The following OR11G2 variants were observed in gnomAD, a reference collection of about 807,000 sequenced individuals.
OR11G2 encodes the protein olfactory receptor 11G2.
In OR11G2, 2 loss-of-function variants were observed where a neutral mutation model predicts 0.9. That is an observed-to-expected ratio of 2.35 (90% CI 0.96 to 7.38). OR11G2 has a LOEUF of 7.38. Among genes scored for constraint, OR11G2 ranks in the 30% most tolerant of loss-of-function variants. OR11G2 has a pLI of 0.05. For synonymous variants in OR11G2, 153 were observed against 142.0 expected (o/e 1.08, Z -0.55); for missense variants, 395 against 371.3 (o/e 1.06, Z -0.52).
At chr14:20,197,295 T>G in intron 1 of OR11G2, 139 bp from the exon 2 acceptor site, 5 of 1,096,712 alleles carry the variant, frequency 4.6e-6, no homozygotes, top group South Asian at 1.6e-5. Context: ...CATATCTGCA[T>G]TCTGTTTTTT....
Position 20,198,729 on chromosome 14 carries a change from A to AG in OR11G2, c.*358dup, listed in dbSNP as rs1250966849. Reference sequence around the variant, plus strand: ...GGGCGACAGAGCGAGACTCTGTCTCAGGAAAAAAAAAAAAAAAAAACTGGT... The same window carrying AG: ...GGGCGACAGAGCGAGACTCTGTCTCAGGGAAAAAAAAAAAAAAAAAACTGGT... On this transcript the variant is annotated 3_prime_UTR_variant, in exon 2 of 2. Transcript: ENST00000641879. The AG allele has an allele frequency of 1.6e-5, 1 of 61,120 alleles. No individual in the cohort carries two copies. Among genetic ancestry groups the AG allele is most frequent in the African/African-American group, 5.6e-5 (1 of 17,852 alleles). 3.8% of individuals were successfully genotyped at this position (61,120 alleles called of 1,614,324 possible). A position where few individuals can be genotyped will look rare whatever the true frequency, so the allele number is the denominator to read the frequency against.
At position 20,199,627 on chromosome 14, in the gene OR11G2, T is replaced by C. The variant is rs569669876; in HGVS notation, c.*1254T>C. 5 of 152,354 alleles carry C rather than the reference T, an allele frequency of 3.3e-5. No individual in the cohort carries two copies. In the South Asian group the frequency reaches 8.3e-4, roughly 25 times the overall value. 9.4% of individuals were successfully genotyped at this position (152,354 alleles called of 1,614,324 possible). The stretch of plus-strand genomic sequence containing the variant: ...GATTTTACTGTTGATAGAAATTATT[T>C]TGGGTTTAGTACAAGTTTTTCAGTC... On this transcript the variant is annotated 3_prime_UTR_variant, in exon 2 of 2. Transcript: ENST00000641879.
rs894154916 is a variant in OR11G2 at position 20,191,674 on chromosome 14, A to G, written c.-5+8A>G. The G allele has an allele frequency of 2.0e-5, 3 of 152,200 alleles. No homozygotes were observed. The highest frequency in any genetic ancestry group is 7.2e-5 in the African/African-American group (3 of 41,448). 9.4% of individuals were successfully genotyped at this position (152,200 alleles called of 1,614,324 possible). A position where few individuals can be genotyped will look rare whatever the true frequency, so the allele number is the denominator to read the frequency against. ...GGAGCTAGGTAATAAAAGGTGAGTA[A>G]CATTACACTCTTGTTAGAAATATCT... On this transcript the variant is annotated splice_region_variant and intron_variant, in intron 1 of 1. Transcript: ENST00000641879.
rs1879639273 is a variant in OR11G2, at chr14:20,190,980, A to G, written c.-691A>G. On this transcript the variant is annotated 5_prime_UTR_variant, in exon 1 of 2. Transcript: ENST00000641879. ...TCTGCTCCTTCATTCTTTGATGGCT[A>G]ACATAGAAAAGGCTACCTCTCCTCT... The G allele has an allele frequency of 6.6e-6, 1 of 152,264 alleles. No homozygotes were observed. Among genetic ancestry groups the G allele is most frequent in the Non-Finnish European group, 1.5e-5 (1 of 68,102 alleles). 9.4% of individuals were successfully genotyped at this position (152,264 alleles called of 1,614,324 possible).
At position 20,199,467 on chromosome 14, in the gene OR11G2, C is replaced by T. The variant is rs1330640818; in HGVS notation, c.*1094C>T. On this transcript the variant is annotated 3_prime_UTR_variant, in exon 2 of 2. Transcript: ENST00000641879. ...CCAACCCAGTAAATGGTCAAATATC[C>T]TCAGGGAAATACACATGGGGAATGT... 6.6e-6 allele frequency: 1 copy of T among 152,250 alleles called. No homozygotes were observed. The highest frequency in any genetic ancestry group is 1.5e-5 in the Non-Finnish European group (1 of 68,066). The allele number at this position is 152,250 out of a possible 1,614,324, so 9.4% of individuals were successfully genotyped here. A position where few individuals can be genotyped will look rare whatever the true frequency, so the allele number is the denominator to read the frequency against.
rs923123118 is a variant in OR11G2, at chr14:20,199,372, C to G, written c.*999C>G. The G allele has an allele frequency of 6.6e-6, 1 of 152,232 alleles. No individual in the cohort carries two copies. The highest frequency in any genetic ancestry group is 1.5e-5 in the Non-Finnish European group (1 of 68,060). 9.4% of individuals were successfully genotyped at this position (152,232 alleles called of 1,614,324 possible). ...CAGGTGCTTTGGCAACTTTCAAATT[C>G]TCTACCTTCTCAGTTCAGTAAAACT... On this transcript the variant is annotated 3_prime_UTR_variant, in exon 2 of 2. Transcript: ENST00000641879.
Position 20,200,242 on chromosome 14 carries a change from T to C in OR11G2, c.*1869T>C, listed in dbSNP as rs1476776334. On this transcript the variant is annotated 3_prime_UTR_variant, in exon 2 of 2. Coordinates refer to ENST00000641879, the MANE Select transcript of OR11G2 (RefSeq NM_001386033.1). Reference sequence around the variant, plus strand: ...GCTTTGAAAAGTAACCCTGAATTTCTCTTTAGGACTTCTCACTTATTTGCC... The same window carrying C: ...GCTTTGAAAAGTAACCCTGAATTTCCCTTTAGGACTTCTCACTTATTTGCC... 2 of 151,994 alleles carry C rather than the reference T, an allele frequency of 1.3e-5. No homozygotes were observed. The highest frequency in any genetic ancestry group is 2.4e-5 in the African/African-American group (1 of 41,396). 9.4% of individuals were successfully genotyped at this position (151,994 alleles called of 1,614,324 possible). A position where few individuals can be genotyped will look rare whatever the true frequency, so the allele number is the denominator to read the frequency against.
Position 20,200,280 on chromosome 14 carries a change from A to G in OR11G2, c.*1907A>G, listed in dbSNP as rs1166640204. 1.3e-5 allele frequency: 2 copies of G among 152,284 alleles called. No individual in the cohort carries two copies. The highest frequency in any genetic ancestry group is 2.1e-4 in the South Asian group (1 of 4,828). The allele number at this position is 152,284 out of a possible 1,614,324, so 9.4% of individuals were successfully genotyped here. A position where few individuals can be genotyped will look rare whatever the true frequency, so the allele number is the denominator to read the frequency against. ...TCACTTATTTGCCAGTCATATCACA[A>G]TAAGTTTGTTTCCTTAATATAAACG... On this transcript the variant is annotated 3_prime_UTR_variant, in exon 2 of 2. Transcript: ENST00000641879.
rs769593612 is a variant in OR11G2, at chr14:20,198,113, G to A, written c.676G>A (p.Val226Met). The A allele has an allele frequency of 5.0e-6, 8 of 1,614,088 alleles. No homozygotes were observed. Among genetic ancestry groups the A allele is most frequent in the Non-Finnish European group, 6.8e-6 (8 of 1,180,018 alleles). ...LFIVGSYALV[V>M]RAVLRVPSAA... Reference sequence around the variant, plus strand: ...CATTGTGGGGTCCTATGCTCTGGTCGTGAGAGCTGTGTTGAGGGTCCCTTC... The same window carrying A: ...CATTGTGGGGTCCTATGCTCTGGTCATGAGAGCTGTGTTGAGGGTCCCTTC... Residue 226 changes from valine to methionine, a missense_variant, in exon 2 of 2, where the codon GTG becomes ATG. Physicochemically the swap from Val to Met is conservative, Grantham distance 21. Coordinates refer to ENST00000641879, the MANE Select transcript of OR11G2 (RefSeq NM_001386033.1).
Position 20,197,468 on chromosome 14 carries a change from A to G in OR11G2, c.31A>G (p.Ser11Gly), listed in dbSNP as rs45620333. ...AATCTTCAACAGCCCCAGCAACTCCAGCACCTTCACTGGCTTCATCCTCCT... is the reference window on the plus strand; with the variant it reads ...AATCTTCAACAGCCCCAGCAACTCCGGCACCTTCACTGGCTTCATCCTCCT... MKIFNSPSNSSTFTGFILLGF... is the reference protein window; with the variant it reads MKIFNSPSNSGTFTGFILLGF... Residue 11 changes from serine to glycine, a missense_variant, in exon 2 of 2, where the codon AGC (serine) becomes GGC (glycine). Coordinates refer to ENST00000641879, the MANE Select transcript of OR11G2 (RefSeq NM_001386033.1). 77,516 of 1,613,072 alleles carry G rather than the reference A, an allele frequency of 0.048. 2,119 individuals are homozygous for G. The highest frequency in any genetic ancestry group is 0.059 in the Middle Eastern group (349 of 5,916).
At position 20,191,218 on chromosome 14, in the gene OR11G2, A is replaced by G. The variant is rs1044435738; in HGVS notation, c.-453A>G. On this transcript the variant is annotated 5_prime_UTR_variant, in exon 1 of 2. Coordinates refer to ENST00000641879, the MANE Select transcript of OR11G2 (RefSeq NM_001386033.1). ...GGAAAAGCTGTTCTTATTTTCAAGG[A>G]CTTTGCAGAAAGTAAATAGGTGTAA... 2.0e-5 allele frequency: 3 copies of G among 152,206 alleles called. No homozygotes were observed. The highest frequency in any genetic ancestry group is 7.2e-5 in the African/African-American group (3 of 41,438). 9.4% of individuals were successfully genotyped at this position (152,206 alleles called of 1,614,324 possible). A position where few individuals can be genotyped will look rare whatever the true frequency, so the allele number is the denominator to read the frequency against.
rs775946565 is a variant in OR11G2 at position 20,197,676 on chromosome 14, C to T, written c.239C>T (p.Ser80Phe). The T allele has an allele frequency of 5.0e-6, 8 of 1,613,842 alleles. No individual in the cohort carries two copies. The African/African-American group carries it at 1.1e-4, about 22-fold the overall frequency. ...FSFLEICYVTSTVPSMLANFL... is the reference protein window; with the variant it reads ...FSFLEICYVTFTVPSMLANFL... ...TTCTTGGAGATATGTTATGTCACCTCCACAGTCCCCAGCATGCTGGCCAAC... is the reference window on the plus strand; with the variant it reads ...TTCTTGGAGATATGTTATGTCACCTTCACAGTCCCCAGCATGCTGGCCAAC... The change falls in exon 2 of 2, where the codon TCC becomes TTC. Residue 80 changes from serine to phenylalanine, a missense_variant. Ser to Phe is a radical substitution (Grantham distance 155, BLOSUM62 -2). Transcript: ENST00000641879.
Position 20,194,122 on chromosome 14 carries a change from A to C in OR11G2, c.-5+2456A>C, listed in dbSNP as rs1879707006. ...GATGTTGGAAATATTATGAAGGGTC[A>C]AACCAAAGATTACATTTTCAAAGTT... On this transcript the variant is annotated intron_variant, in intron 1 of 1. Transcript: ENST00000641879. 2.0e-5 allele frequency among the ~76,000 whole-genome samples: 3 copies of C among 152,346 alleles called. No individual in the cohort carries two copies. In the South Asian group the frequency reaches 6.2e-4, roughly 32 times the overall value.
chr14:20,197,514 A>T lies in OR11G2; in HGVS notation c.77A>T (p.Glu26Val), dbSNP rs773529501. Residue 26 changes from glutamate to valine, a missense_variant, in exon 2 of 2, where the codon GAG becomes GTG. By Grantham distance (121) the Glu-to-Val change is moderately radical. Transcript: ENST00000641879. Reference protein sequence around the residue: ...FILLGFPCPREGQILLFVLFT... With the variant: ...FILLGFPCPRVGQILLFVLFT... Reference sequence around the variant, plus strand: ...CTCCTGGGCTTCCCTTGCCCCAGGGAGGGGCAGATCCTCCTCTTTGTGCTC... The same window carrying T: ...CTCCTGGGCTTCCCTTGCCCCAGGGTGGGGCAGATCCTCCTCTTTGTGCTC... The T allele has an allele frequency of 6.2e-7, 1 of 1,613,818 alleles. No individual in the cohort carries two copies. The highest frequency in any genetic ancestry group is 1.1e-5 in the South Asian group (1 of 91,062).
At chr14:20,195,584 C>G (rs1879736067) in intron 1 of OR11G2, among the ~76,000 whole-genome samples, 2 of 152,292 alleles carry the variant, frequency 1.3e-5, no homozygotes, top group South Asian at 4.1e-4. Context: ...ATTTCTCCCT[C>G]AGTTCACCCC....
rs1879777569 is a variant in OR11G2 at position 20,197,488 on chromosome 14, C to T, written c.51C>T (p.Ile17=). 1 of 1,614,084 alleles carries T rather than the reference C, an allele frequency of 6.2e-7. No individual in the cohort carries two copies. The change falls in exon 2 of 2, where the codon ATC becomes ATT. Residue 17 remains isoleucine, a synonymous_variant. Transcript: ENST00000641879. ...ACTCCAGCACCTTCACTGGCTTCAT[C>T]CTCCTGGGCTTCCCTTGCCCCAGGG... ...PSNSSTFTGF[I]LLGFPCPREG... is the part of the protein sequence containing the mutation.
rs1483193117 is a variant in OR11G2 at position 20,198,747 on chromosome 14, A to C, written c.*374A>C. The C allele has an allele frequency of 6.4e-6, 1 of 155,972 alleles. No individual in the cohort carries two copies. The highest frequency in any genetic ancestry group is 1.4e-5 in the Non-Finnish European group (1 of 70,530). 9.7% of individuals were successfully genotyped at this position (155,972 alleles called of 1,614,324 possible). ...CTGTCTCAGGAAAAAAAAAAAAAAA[A>C]AACTGGTCTTATACAGTTAATTGTT... is the stretch of plus-strand genomic sequence containing the variant. On this transcript the variant is annotated 3_prime_UTR_variant, in exon 2 of 2. Coordinates refer to ENST00000641879, the MANE Select transcript of OR11G2 (RefSeq NM_001386033.1).
rs367886457 is a variant in OR11G2, at chr14:20,200,156, C to CCA, written c.*1783_*1784insCA. On this transcript the variant is annotated 3_prime_UTR_variant, in exon 2 of 2. Transcript: ENST00000641879. Reference sequence around the variant, plus strand: ...TTTGCTGAGGATAATGACTTAATTCCAAAAAAAAAAAAAAAAAAAGTTCCT... The same window carrying CCA: ...TTTGCTGAGGATAATGACTTAATTCCCAAAAAAAAAAAAAAAAAAAAGTTCCT... 2.3e-5 allele frequency: 3 copies of CCA among 128,370 alleles called. No individual in the cohort carries two copies. Among genetic ancestry groups the CCA allele is most frequent in the Non-Finnish European group, 4.9e-5 (3 of 61,794 alleles). 8.0% of individuals were successfully genotyped at this position (128,370 alleles called of 1,614,324 possible). A position where few individuals can be genotyped will look rare whatever the true frequency, so the allele number is the denominator to read the frequency against.
At chr14:20,192,591 T>C (rs1482204556) in intron 1 of OR11G2, among the ~76,000 whole-genome samples, 1 of 152,248 alleles carries the variant, frequency 6.6e-6, no homozygotes, top group Non-Finnish European at 1.5e-5. Context: ...GACAACACTC[T>C]AGTAGCCTAG....
Sources: gnomAD v4.1 joint callset for allele counts (sites outside exome capture counted in the v4.1 genomes callset) on GRCh38, gnomAD v4.1.1 for gene constraint, MANE v1.5 for transcripts, NCBI Gene and HGNC (gene_info 2026-07-23, HGNC 2026-07-21) for gene names.